The following DAB1 variants were observed in gnomAD, a reference collection of about 807,000 sequenced individuals.
DAB1 encodes DAB adaptor protein 1.
DAB1 carries 15 observed loss-of-function variants against 64.6 expected under a neutral mutation model. That is an observed-to-expected ratio of 0.23 (90% CI 0.16 to 0.36). The LOEUF (loss-of-function observed/expected upper bound fraction) is 0.36, where lower values mean the gene tolerates loss of function less well. DAB1 is among the 10% of genes least tolerant of loss of function. The pLI, the probability that DAB1 is intolerant of heterozygous loss-of-function variation, is 1.00. For missense variants in DAB1, 596 were observed against 706.7 expected (o/e 0.84, Z 1.78); for synonymous variants, 235 against 251.9 (o/e 0.93, Z 0.64).
At chr1:57,590,558 C>A (rs1436818345) in intron 7 of DAB1, among the ~76,000 whole-genome samples, 1 of 151,950 alleles carries the variant, frequency 6.6e-6, no homozygotes, top group Non-Finnish European at 1.5e-5. Flanking sequence ...GTTTCAATCT[C>A]TTAACCTCGT....
intron 1 of DAB1, among the ~76,000 whole-genome samples, chr1:57,393,950 A>T (rs936677159): frequency 6.6e-6 from 1 of 152,224 alleles, no homozygotes; most frequent in African/African-American, 2.4e-5. Context: ...GCCCACATAT[A>T]GGTAGATCTA....
chr1:58,402,020 A>G (rs1485504811), intron 3 of DAB1, among the ~76,000 whole-genome samples: 1 of 152,236 alleles, frequency 6.6e-6, no homozygotes, highest in African/African-American at 2.4e-5. Context: ...GTAATGAGCA[A>G]TTCTTGATGG....
At chr1:57,524,375 TAGAG>T (rs764581606) in intron 7 of DAB1, among the ~76,000 whole-genome samples, 7 of 152,164 alleles carry the variant, frequency 4.6e-5, no homozygotes, top group Middle Eastern at 3.4e-3. Context: ...CATAAAAACT[TAGAG>T]AGAAAAAGAT....
At chr1:57,621,239 G>A (rs974128714) in intron 7 of DAB1, among the ~76,000 whole-genome samples, 8 of 141,052 alleles carry the variant, frequency 5.7e-5, no homozygotes, top group East Asian at 2.2e-4. Context: ...TTGAGTTTGC[G>A]TTTAAGAGAG....
chr1:58,480,878 C>G, intron 3 of DAB1: 1 of 629,996 alleles, frequency 1.6e-6, no homozygotes, highest in Non-Finnish European at 2.6e-6. Context: ...TTTTTTTTTT[C>G]ACTTCAAACA....
intron 4 of DAB1, among the ~76,000 whole-genome samples, chr1:58,174,794 C>T (rs915482316): frequency 6.6e-6 from 1 of 151,886 alleles, no homozygotes; most frequent in East Asian, 1.9e-4. Flanking sequence ...ATGCACCTAT[C>T]AGCACTCTGT....
At chr1:58,172,861 C>T (rs570207684) in intron 4 of DAB1, among the ~76,000 whole-genome samples, 3 of 152,216 alleles carry the variant, frequency 2.0e-5, no homozygotes, top group Admixed American at 1.3e-4. Context: ...ATACAGATAG[C>T]AAGTATGCTT....
At position 58,063,957 on chromosome 1, in the gene DAB1, CA is replaced by C. The variant is rs35129336; in HGVS notation, n.387+86553del. On this transcript the variant is annotated intron_variant and non_coding_transcript_variant, in intron 5 of 20. Coordinates refer to the DAB1 transcript ENST00000485760. ...ATGTGTAAAAGCATTTGTTGAAAAT[CA>C]AAAAGTATTGCATACAGATGAGGGT... Among the ~76,000 whole-genome samples the C allele has an allele frequency of 9.2e-5, 14 of 152,246 alleles. No homozygotes were observed. In the East Asian group the frequency reaches 1.4e-3, roughly 15 times the overall value.
At chr1:58,358,209 G>A (rs1644129282) in intron 3 of DAB1, among the ~76,000 whole-genome samples, 2 of 152,142 alleles carry the variant, frequency 1.3e-5, no homozygotes, top group African/African-American at 4.8e-5. Flanking sequence ...AGGATGTTTT[G>A]GCTAAGCTTG....
chr1:58,313,856 T>TGTGA (rs369709762), intron 4 of DAB1, among the ~76,000 whole-genome samples: 3,088 of 111,920 alleles, frequency 0.028, 88 homozygotes, highest in African/African-American at 0.066. Context: ...TGTGTGTGTG[T>TGTGA]GAGAGAGAGA....
chr1:57,338,018 C>T (rs1677239673), intron 1 of DAB1, among the ~76,000 whole-genome samples: 1 of 151,920 alleles, frequency 6.6e-6, no homozygotes, highest in African/African-American at 2.4e-5. Context: ...AGGTTTCACT[C>T]TGGTTGCCCA....
intron 4 of DAB1, among the ~76,000 whole-genome samples, chr1:58,340,964 G>A (rs1040829768): frequency 6.6e-6 from 1 of 152,166 alleles, no homozygotes. Flanking sequence ...GATTCAAAGG[G>A]TTGTGTGCTT....
intron 5 of DAB1, among the ~76,000 whole-genome samples, chr1:57,920,704 G>A (rs1219275952): frequency 6.6e-6 from 1 of 152,138 alleles, no homozygotes; most frequent in East Asian, 1.9e-4. Flanking sequence ...TCCTAGAGCT[G>A]TTTTGGAGAC....
intron 4 of DAB1, among the ~76,000 whole-genome samples, chr1:58,207,890 T>C (rs1461834901): frequency 6.6e-6 from 1 of 152,192 alleles, no homozygotes; most frequent in Non-Finnish European, 1.5e-5. Context: ...AGGACATACC[T>C]GAGACTGAGG....
intron 13 of DAB1, 67 bp downstream of exon 13, chr1:57,011,078 T>A: frequency 1.3e-6 from 2 of 1,592,338 alleles, no homozygotes; most frequent in African/African-American, 1.3e-5. Context: ...TCATGCATTA[T>A]CCATTTCAGT....
chr1:57,505,302 T>C (rs1341607868), intron 7 of DAB1, among the ~76,000 whole-genome samples: 1 of 152,154 alleles, frequency 6.6e-6, no homozygotes, highest in Non-Finnish European at 1.5e-5. Context: ...TTTTACTCAT[T>C]AGCTAATTTA....
intron 6 of DAB1, among the ~76,000 whole-genome samples, chr1:57,795,746 A>T (rs1490319265): frequency 6.3e-5 from 8 of 127,050 alleles, no homozygotes; most frequent in Non-Finnish European, 9.9e-5. Flanking sequence ...ATACACATGT[A>T]TTTCAGCAAC....
chr1:57,546,020 C>T (rs1405827784), intron 7 of DAB1, among the ~76,000 whole-genome samples: 1 of 151,704 alleles, frequency 6.6e-6, no homozygotes, highest in Non-Finnish European at 1.5e-5. Context: ...GCTGTGGATG[C>T]TTCAGCATGA....
chr1:58,112,481 C>T (rs1279386014), intron 5 of DAB1, among the ~76,000 whole-genome samples: 2 of 152,218 alleles, frequency 1.3e-5, no homozygotes, highest in Admixed American at 6.5e-5. Flanking sequence ...CAACTCCCAG[C>T]TGTGTAATCC....
Sources: allele counts gnomAD v4.1 joint callset (sites outside exome capture counted in the v4.1 genomes callset), GRCh38; gene constraint gnomAD v4.1.1; transcripts MANE v1.5; gene names NCBI Gene and HGNC (gene_info 2026-07-23, HGNC 2026-07-21).